The following LARGE1 variants were observed in gnomAD, a reference collection of about 807,000 sequenced individuals.
LARGE1 encodes LARGE xylosyl- and glucuronyltransferase 1.
LARGE1 carries 43 observed loss-of-function variants against 87.6 expected under a neutral mutation model. The observed-to-expected ratio is 0.49, with a 90% CI of 0.38 to 0.63. The LOEUF (loss-of-function observed/expected upper bound fraction) is 0.63, where lower values mean the gene tolerates loss of function less well. Ranked by LOEUF, LARGE1 falls within the 30% of genes least tolerant of loss-of-function variation. The pLI, the probability that LARGE1 is intolerant of heterozygous loss-of-function variation, is 0.00. For missense variants in LARGE1, 802 were observed against 1,000.2 expected (o/e 0.80, Z 2.67); for synonymous variants, 434 against 394.6 (o/e 1.10, Z -1.18).
chr22:33,586,845 G>A (rs960361629), intron 5 of LARGE1, among the ~76,000 whole-genome samples: 6 of 152,080 alleles, frequency 3.9e-5, no homozygotes, highest in East Asian at 1.9e-4. Context: ...TTTCACAGTC[G>A]AGAGAAAAAT....
intron 1 of LARGE1, among the ~76,000 whole-genome samples, chr22:33,817,067 C>G (rs1473659596): frequency 6.6e-6 from 1 of 152,156 alleles, no homozygotes; most frequent in African/African-American, 2.4e-5. Flanking sequence ...TCTATACATA[C>G]ACACATGTGT....
chr22:33,738,217 G>A (rs1202681284), intron 2 of LARGE1, among the ~76,000 whole-genome samples: 1 of 152,120 alleles, frequency 6.6e-6, no homozygotes, highest in Non-Finnish European at 1.5e-5. Context: ...GCCCATTCTG[G>A]GAAAAATAAC....
Position 33,196,239 on chromosome 22 carries a change from A to C in LARGE1, c.1731-29407T>G, listed in dbSNP as rs1267366969. Among the ~76,000 whole-genome samples the C allele has an allele frequency of 2.0e-5, 3 of 152,150 alleles. No individual in the cohort carries two copies. In the East Asian group the frequency reaches 5.8e-4, roughly 29 times the overall value. ...AATTGTATCTTTGAAGAGATCAATG[A>C]AATTGATAAATTTCTAGCTAAACTA... On this transcript the variant is annotated intron_variant, in intron 11 of 11. Transcript: ENST00000608642.
At chr22:33,482,712 A>T (rs200869313) in intron 6 of LARGE1, among the ~76,000 whole-genome samples, 1 of 86,934 alleles carries the variant, frequency 1.2e-5, no homozygotes. Context: ...GTATAATAAT[A>T]AAAAAAAACA....
chr22:33,104,883 T>TTCTC, the LARGE1 span, among the ~76,000 whole-genome samples: 2,003 of 48,798 alleles, frequency 0.041, 24 homozygotes, highest in East Asian at 0.11. Flanking sequence ...TCAATAGACT[T>TTCTC]TCTCTCTCTT....
intron 11 of LARGE1, among the ~76,000 whole-genome samples, chr22:33,201,458 A>G (rs560329038): frequency 0.03 from 4,580 of 152,152 alleles, 96 homozygotes; most frequent in Admixed American, 0.056. Flanking sequence ...GGAGGAGAAA[A>G]GAAAACATAG....
At position 33,910,784 on chromosome 22, in the gene LARGE1, G is replaced by A. The variant is rs372809640; in HGVS notation, c.-83+9211C>T. Among the ~76,000 whole-genome samples, 18 of 152,278 alleles carry A rather than the reference G, an allele frequency of 1.2e-4. No individual in the cohort carries two copies. In the East Asian group the frequency reaches 1.7e-3, roughly 15 times the overall value. On this transcript the variant is annotated intron_variant, in intron 1 of 14. Transcript: ENST00000397394. Reference sequence around the variant, plus strand: ...GGTTGGATCCAGCAAAAAAAGCAGCGTAACAAGGCCACTCAAGTGGGAAAA... The same window carrying A: ...GGTTGGATCCAGCAAAAAAAGCAGCATAACAAGGCCACTCAAGTGGGAAAA...
intron 2 of LARGE1, among the ~76,000 whole-genome samples, chr22:33,729,804 G>C (rs1292289537): frequency 6.6e-6 from 1 of 152,222 alleles, no homozygotes; most frequent in African/African-American, 2.4e-5. Context: ...CCTGAGGAAG[G>C]CTGTCAAGAG....
intron 5 of LARGE1, among the ~76,000 whole-genome samples, chr22:33,594,400 T>A (rs912805804): frequency 1.3e-5 from 2 of 152,066 alleles, no homozygotes; most frequent in African/African-American, 4.8e-5. Flanking sequence ...AAATACCAAA[T>A]CTCTAACATC....
At chr22:33,525,540 T>C (rs1228762138) in intron 6 of LARGE1, among the ~76,000 whole-genome samples, 5 of 152,172 alleles carry the variant, frequency 3.3e-5, no homozygotes, top group Non-Finnish European at 5.9e-5. Flanking sequence ...AAGATGCAGG[T>C]CCCAGATATG....
intron 11 of LARGE1, among the ~76,000 whole-genome samples, chr22:33,232,764 T>G (rs888510995): frequency 1.3e-5 from 2 of 152,156 alleles, no homozygotes; most frequent in Non-Finnish European, 2.9e-5. Context: ...AGGCCTATTC[T>G]CAAGGCAGGG....
chr22:33,724,671 G>A (rs772176848), intron 2 of LARGE1: 1 of 152,240 alleles, frequency 6.6e-6, no homozygotes, highest in Non-Finnish European at 1.5e-5. Flanking sequence ...TATCAACTTT[G>A]TAACAGTCAT....
At chr22:33,887,641 G>A (rs2146807362) in intron 1 of LARGE1, among the ~76,000 whole-genome samples, 1 of 152,190 alleles carries the variant, frequency 6.6e-6, no homozygotes, top group Non-Finnish European at 1.5e-5. Flanking sequence ...GGGGGACTGA[G>A]GCAGGAGAAC....
At chr22:33,454,032 C>T (rs964140436) in intron 6 of LARGE1, among the ~76,000 whole-genome samples, 2 of 152,212 alleles carry the variant, frequency 1.3e-5, no homozygotes, top group Non-Finnish European at 2.9e-5. Context: ...ACCAATACCA[C>T]TTTCCAATTC....
intron 6 of LARGE1, among the ~76,000 whole-genome samples, chr22:33,444,986 T>C (rs768209974): frequency 6.6e-6 from 1 of 152,140 alleles, no homozygotes; most frequent in East Asian, 1.9e-4. Flanking sequence ...CGTACCACCA[T>C]GCACGGCTCA....
chr22:33,795,300 C>T (rs569021329), intron 1 of LARGE1, among the ~76,000 whole-genome samples: 60 of 152,310 alleles, frequency 3.9e-4, no homozygotes, highest in South Asian at 8.3e-4. Flanking sequence ...ATTTCATTAA[C>T]AGCCATAATA....
chr22:33,284,681 G>C (rs558411751), intron 12 of LARGE1, among the ~76,000 whole-genome samples: 2 of 152,020 alleles, frequency 1.3e-5, no homozygotes, highest in African/African-American at 4.8e-5. Flanking sequence ...GGGTTCAAGC[G>C]ATTCTCCTGT....
intron 1 of LARGE1, among the ~76,000 whole-genome samples, chr22:33,768,698 T>A (rs747234029): frequency 6.6e-6 from 1 of 152,160 alleles, no homozygotes; most frequent in Non-Finnish European, 1.5e-5. Context: ...TAAAACCCCT[T>A]CTGGGCAAAG....
chr22:33,188,009 T>A (rs137402), intron 11 of LARGE1, among the ~76,000 whole-genome samples: 1 of 145,710 alleles, frequency 6.9e-6, no homozygotes, highest in Non-Finnish European at 1.5e-5. Context: ...AAATAGTGTG[T>A]GCGGTAATGT....
Sources: gnomAD v4.1 joint callset for allele counts (sites outside exome capture counted in the v4.1 genomes callset) on GRCh38, gnomAD v4.1.1 for gene constraint, MANE v1.5 for transcripts, NCBI Gene and HGNC (gene_info 2026-07-23, HGNC 2026-07-21) for gene names.